IGSF5: variants seen among roughly 807,000 people sequenced by gnomAD.
IGSF5 encodes the protein immunoglobulin superfamily member 5.
In IGSF5, 41 loss-of-function variants were observed where a neutral mutation model predicts 39.4. The observed-to-expected ratio is 1.04, with a 90% CI of 0.81 to 1.35. The LOEUF (loss-of-function observed/expected upper bound fraction) is 1.35, where lower values mean the gene tolerates loss of function less well. IGSF5 is among the 40% of genes most tolerant of loss of function. The probability of loss-of-function intolerance (pLI) is 0.00; values close to 1 mark genes in which losing one functional copy is unlikely to be tolerated. For missense variants in IGSF5, 487 were observed against 494.6 expected, an observed-to-expected ratio of 0.98 and a Z score of 0.15; for synonymous variants, 183 against 175.3, an observed-to-expected ratio of 1.04 and a Z score of -0.34.
At position 39,771,005 on chromosome 21, in the gene IGSF5, C is replaced by G. The variant is rs8129968; in HGVS notation, c.508C>G (p.Arg170Gly). Residue 170 changes from arginine (R) to glycine (G), a missense_variant, in exon 4 of 9, where the codon CGG becomes GGG. Physicochemically the swap from Arg to Gly is moderately radical, Grantham distance 125. Coordinates refer to ENST00000380588, the MANE Select transcript of IGSF5 (RefSeq NM_001080444.2). ...TACTTGTCTACCCTCACACTGGACCCGGCTCCCGGATATTTCCTGGGAGCT... is the reference window on the plus strand; with the variant it reads ...TACTTGTCTACCCTCACACTGGACCGGGCTCCCGGATATTTCCTGGGAGCT... ...EVTCLPSHWT[R>G]LPDISWELGL... 1.9e-6 allele frequency: 3 copies of G among 1,613,374 alleles called. No individual in the cohort carries two copies. The East Asian group carries it at 6.7e-5, about 36-fold the overall frequency.
intron 8 of IGSF5, among the ~76,000 whole-genome samples, chr21:39,796,798 C>T (rs955196335): frequency 6.6e-5 from 10 of 152,224 alleles, no homozygotes; most frequent in African/African-American, 2.2e-4. Flanking sequence ...GTGAGCCAGC[C>T]TGAAGCAAAC....
intron 5 of IGSF5, among the ~76,000 whole-genome samples, chr21:39,781,442 ATGT>A (rs1219827657): frequency 6.6e-6 from 1 of 152,182 alleles, no homozygotes; most frequent in Non-Finnish European, 1.5e-5. Context: ...GCAATGAATA[ATGT>A]TGTGTATGTT....
the IGSF5 span, among the ~76,000 whole-genome samples, chr21:39,719,677 C>T: frequency 2.6e-5 from 4 of 152,238 alleles, no homozygotes; most frequent in Non-Finnish European, 5.9e-5. Flanking sequence ...CGACTTAACA[C>T]TGCTGCACAT....
At chr21:39,792,833 G>T (rs759430473) in intron 7 of IGSF5, among the ~76,000 whole-genome samples, 1 of 152,140 alleles carries the variant, frequency 6.6e-6, no homozygotes, top group Non-Finnish European at 1.5e-5. Context: ...ATTGAAGGCC[G>T]ATGAGAGGGG....
chr21:39,720,072 A>G, the IGSF5 span, among the ~76,000 whole-genome samples: 5 of 152,204 alleles, frequency 3.3e-5, no homozygotes, highest in African/African-American at 4.8e-5. Flanking sequence ...AACCTTTTTG[A>G]CACCAGGAAT....
chr21:39,735,526 GCCTAAATTCCTCATATA>G, the IGSF5 span, among the ~76,000 whole-genome samples: 3 of 152,080 alleles, frequency 2.0e-5, no homozygotes, highest in Non-Finnish European at 4.4e-5. Context: ...GGAATCATAT[GCCTAAATTCCTCATATA>G]CCTAAATTTT....
the IGSF5 span, chr21:39,730,022 G>T: frequency 6.6e-6 from 1 of 152,210 alleles, no homozygotes; most frequent in Non-Finnish European, 1.5e-5. Flanking sequence ...CCATAACCTG[G>T]TGGCTTAGAA....
At chr21:39,719,777 G>A in the IGSF5 span, among the ~76,000 whole-genome samples, 1 of 152,270 alleles carries the variant, frequency 6.6e-6, no homozygotes, top group South Asian at 2.1e-4. Flanking sequence ...ATTTGGCTTG[G>A]TGTTCATGTG....
intron 2 of IGSF5, among the ~76,000 whole-genome samples, chr21:39,750,546 A>G (rs541689103): frequency 6.7e-6 from 1 of 149,298 alleles, no homozygotes; most frequent in East Asian, 2.0e-4. Flanking sequence ...TATGGTGCTG[A>G]ACATCAGGTT....
chr21:39,751,224 A>T (rs1235915367), intron 2 of IGSF5: 1 of 152,136 alleles, frequency 6.6e-6, no homozygotes, highest in Admixed American at 6.5e-5. Context: ...GCCAGACAAG[A>T]GTGTGTTTCT....
At chr21:39,733,025 C>T in the IGSF5 span, among the ~76,000 whole-genome samples, 1 of 149,506 alleles carries the variant, frequency 6.7e-6, no homozygotes, top group Non-Finnish European at 1.5e-5. Context: ...GACCCTGTCT[C>T]AAAATAATAA....
chr21:39,757,679 C>A (rs977409939), intron 2 of IGSF5, among the ~76,000 whole-genome samples: 1 of 151,562 alleles, frequency 6.6e-6, no homozygotes, highest in Non-Finnish European at 1.5e-5. Context: ...CGGGTTCAAG[C>A]GATTCTCCTG....
rs562157056 is a variant in IGSF5 at position 39,752,020 on chromosome 21, A to G, written c.100+5722A>G. ...CTATTTCTTTCTTCTTTTTTTCTTT[A>G]CTTTTAAAAAATTTCAATAGTTTTT... On this transcript the variant is annotated intron_variant, in intron 2 of 8. Transcript: ENST00000380588. Among the ~76,000 whole-genome samples, 51 of 151,788 alleles carry G rather than the reference A, an allele frequency of 3.4e-4. 1 individual carries two copies. In the South Asian group the frequency reaches 8.5e-3, roughly 25 times the overall value.
chr21:39,729,485 C>G, the IGSF5 span: 4 of 152,314 alleles, frequency 2.6e-5, no homozygotes, highest in African/African-American at 9.6e-5. Context: ...GCTCACGGGG[C>G]ACTCTTTGCC....
chr21:39,740,517 G>A (rs1224553909), upstream of IGSF5, among the ~76,000 whole-genome samples: 5 of 152,130 alleles, frequency 3.3e-5, no homozygotes, highest in East Asian at 1.9e-4. Flanking sequence ...TCTAGTGCCC[G>A]AGTGAGTTTT....
intron 5 of IGSF5, among the ~76,000 whole-genome samples, chr21:39,784,097 C>T (rs2080184941): frequency 6.6e-6 from 1 of 152,172 alleles, no homozygotes; most frequent in South Asian, 2.1e-4. Context: ...CTGTGATATA[C>T]CTTTATTCTC....
intron 5 of IGSF5, among the ~76,000 whole-genome samples, chr21:39,784,095 T>C (rs999900265): frequency 1.3e-5 from 2 of 152,230 alleles, no homozygotes; most frequent in African/African-American, 2.4e-5. Context: ...ATCTGTGATA[T>C]ACCTTTATTC....
At chr21:39,791,853 C>T (rs770737831) in intron 6 of IGSF5, 155 bp from the exon 7 acceptor site, 42 of 590,154 alleles carry the variant, frequency 7.1e-5, no homozygotes, top group Non-Finnish European at 9.5e-5. Context: ...ATACCTGCAA[C>T]GCAGCGGCAA....
chr21:39,775,422 T>A (rs141810461), intron 4 of IGSF5, among the ~76,000 whole-genome samples: 3 of 152,234 alleles, frequency 2.0e-5, no homozygotes, highest in African/African-American at 4.8e-5. Context: ...TTGCACATGA[T>A]AGTGGTGACA....
Sources: gnomAD v4.1 joint callset for allele counts (sites outside exome capture counted in the v4.1 genomes callset) on GRCh38, gnomAD v4.1.1 for gene constraint, MANE v1.5 for transcripts, NCBI Gene and HGNC (gene_info 2026-07-23, HGNC 2026-07-21) for gene names.